GALNT17: variants seen among roughly 807,000 people sequenced by gnomAD.
GALNT17 encodes the protein polypeptide N-acetylgalactosaminyltransferase 17, also known as UDP-GalNAc:polypeptide N-acetylgalactosaminyltransferase-like 3.
In GALNT17, 29 loss-of-function variants were observed where a neutral mutation model predicts 63.7. The observed-to-expected ratio is 0.46, with a 90% CI of 0.34 to 0.62. GALNT17 has a LOEUF of 0.62. Ranked by LOEUF, GALNT17 falls within the 20% of genes least tolerant of loss-of-function variation. The pLI, the probability that GALNT17 is intolerant of heterozygous loss-of-function variation, is 0.01. For synonymous variants in GALNT17, 305 were observed against 318.3 expected (o/e 0.96, Z 0.45); for missense variants, 603 against 799.6 (o/e 0.75, Z 2.97).
At chr7:71,321,869 T>C (rs143936792) in intron 1 of GALNT17, among the ~76,000 whole-genome samples, 941 of 41,128 alleles carry the variant, frequency 0.023, 25 homozygotes, top group African/African-American at 0.072. Flanking sequence ...TTCCTTCCTT[T>C]CCTTCCTTCC....
At chr7:71,247,868 GA>G (rs751040196) in intron 1 of GALNT17, among the ~76,000 whole-genome samples, 3 of 152,192 alleles carry the variant, frequency 2.0e-5, no homozygotes, top group African/African-American at 4.8e-5. Flanking sequence ...GCGAGCTAGA[GA>G]AAAGAAAATG....
At chr7:71,640,850 A>G (rs1287898432) in intron 6 of GALNT17, among the ~76,000 whole-genome samples, 2 of 151,980 alleles carry the variant, frequency 1.3e-5, no homozygotes, top group East Asian at 1.9e-4. Flanking sequence ...CATCTCAAAA[A>G]AAAAAAAACT....
At chr7:71,444,737 G>T (rs2116529351) in intron 5 of GALNT17, among the ~76,000 whole-genome samples, 1 of 152,274 alleles carries the variant, frequency 6.6e-6, no homozygotes, top group South Asian at 2.1e-4. Flanking sequence ...TGAGGCAAGA[G>T]AATTACTTGA....
chr7:71,575,482 G>A (rs1456127532), intron 6 of GALNT17, among the ~76,000 whole-genome samples: 1 of 151,388 alleles, frequency 6.6e-6, no homozygotes, highest in African/African-American at 2.4e-5. Flanking sequence ...CTCCGCCCTC[G>A]AGTTCACGCC....
chr7:71,154,956 A>C (rs1370036790), intron 1 of GALNT17, among the ~76,000 whole-genome samples: 1 of 151,820 alleles, frequency 6.6e-6, no homozygotes, highest in Non-Finnish European at 1.5e-5. Flanking sequence ...GTGGGTAATG[A>C]ATTTTTTCGG....
chr7:71,520,841 A>G (rs79045174), intron 5 of GALNT17, among the ~76,000 whole-genome samples: 8,419 of 152,232 alleles, frequency 0.055, 484 homozygotes, highest in African/African-American at 0.15. Context: ...CAAAAGCACT[A>G]TCAGGAGGAG....
chr7:71,470,089 A>T (rs1193033408), intron 5 of GALNT17, among the ~76,000 whole-genome samples: 3 of 152,150 alleles, frequency 2.0e-5, no homozygotes, highest in African/African-American at 4.8e-5. Flanking sequence ...GATGTCCATA[A>T]TCCCAGCTAC....
chr7:71,458,532 G>T (rs529945567), intron 5 of GALNT17, among the ~76,000 whole-genome samples: 6 of 152,200 alleles, frequency 3.9e-5, no homozygotes, highest in Admixed American at 1.3e-4. Context: ...GCTACCTACA[G>T]ATGGCTTAAA....
chr7:71,482,753 A>G (rs948072030), intron 5 of GALNT17, among the ~76,000 whole-genome samples: 2 of 152,174 alleles, frequency 1.3e-5, no homozygotes, highest in Admixed American at 1.3e-4. Flanking sequence ...GTTTTGTGAA[A>G]GTCAGTTTTT....
rs1474857908 is a variant in GALNT17 at position 71,156,646 on chromosome 7, CTCCCTGCCTCCCTTCCTTCT to C, written c.238+23612_238+23631del. ...CATTCTTTGCCTTCCTTCCCTTCCCCTCCCTGCCTCCCTTCCTTCTTCCCTCCCTCCCTCCCTTCCTTCCT... is the reference window on the plus strand; with the variant it reads ...CATTCTTTGCCTTCCTTCCCTTCCCCTCCCTCCCTCCCTCCCTTCCTTCCT... On this transcript the variant is annotated intron_variant, in intron 1 of 10. Transcript: ENST00000333538. Among the ~76,000 whole-genome samples the C allele has an allele frequency of 1.2e-3, 166 of 143,632 alleles. 3 individuals carry two copies. Among genetic ancestry groups the C allele is most frequent in the African/African-American group, 4.3e-3 (158 of 36,544 alleles). 94.2% of individuals were successfully genotyped at this position (143,632 alleles called of 152,430 possible). A position where few individuals can be genotyped will look rare whatever the true frequency, so the allele number is the denominator to read the frequency against.
intron 5 of GALNT17, among the ~76,000 whole-genome samples, chr7:71,452,937 G>T (rs1185594482): frequency 6.6e-6 from 1 of 152,112 alleles, no homozygotes; most frequent in East Asian, 1.9e-4. Context: ...TAACATGATT[G>T]GTGATTCTAC....
chr7:71,539,446 T>C (rs568707258), intron 5 of GALNT17, among the ~76,000 whole-genome samples: 1 of 152,204 alleles, frequency 6.6e-6, no homozygotes, highest in African/African-American at 2.4e-5. Context: ...AACAGCTTGG[T>C]GTAGAGCCTT....
chr7:71,476,499 TA>T (rs58659848), intron 5 of GALNT17, among the ~76,000 whole-genome samples: 2,602 of 139,734 alleles, frequency 0.019, 37 homozygotes, highest in African/African-American at 0.044. Flanking sequence ...ATATTTTGTT[TA>T]AAAAAAAAAA....
chr7:71,375,160 A>T (rs1329721877), intron 2 of GALNT17, among the ~76,000 whole-genome samples: 1 of 152,154 alleles, frequency 6.6e-6, no homozygotes, highest in African/African-American at 2.4e-5. Context: ...ATAAGTGGAG[A>T]TAACAATAAT....
intron 2 of GALNT17, among the ~76,000 whole-genome samples, chr7:71,369,200 A>C (rs1325735800): frequency 6.6e-6 from 1 of 152,232 alleles, no homozygotes; most frequent in African/African-American, 2.4e-5. Context: ...TTAATGTATT[A>C]AACCAATACT....
intron 5 of GALNT17, among the ~76,000 whole-genome samples, chr7:71,472,063 G>T (rs1787641342): frequency 6.6e-6 from 1 of 151,996 alleles, no homozygotes; most frequent in South Asian, 2.1e-4. Flanking sequence ...CCAACATCAA[G>T]GTGCTGGCAG....
chr7:71,401,158 T>G (rs1287609556), intron 3 of GALNT17, among the ~76,000 whole-genome samples: 1 of 151,218 alleles, frequency 6.6e-6, no homozygotes. Flanking sequence ...TGCAGTGGTG[T>G]GATCTCAGCT....
At chr7:71,205,484 T>A (rs1163372207) in intron 1 of GALNT17, among the ~76,000 whole-genome samples, 1 of 152,162 alleles carries the variant, frequency 6.6e-6, no homozygotes, top group African/African-American at 2.4e-5. Context: ...CAGGTCTCAG[T>A]GCAGTAATGC....
chr7:71,193,292 G>A (rs565714908), intron 1 of GALNT17, among the ~76,000 whole-genome samples: 1 of 151,632 alleles, frequency 6.6e-6, no homozygotes, highest in South Asian at 2.1e-4. Context: ...TAGAGGTGGG[G>A]TCTTGCTGTA....
Sources: gnomAD v4.1 joint callset for allele counts (sites outside exome capture counted in the v4.1 genomes callset) on GRCh38, gnomAD v4.1.1 for gene constraint, MANE v1.5 for transcripts, NCBI Gene and HGNC (gene_info 2026-07-23, HGNC 2026-07-21) for gene names.